CCDC171: variants seen among roughly 807,000 people sequenced by gnomAD.
CCDC171 encodes coiled-coil domain-containing protein 171.
CCDC171 carries 177 observed loss-of-function variants against 168.2 expected under a neutral mutation model. The observed-to-expected ratio is 1.05, with a 90% CI of 0.93 to 1.19. The LOEUF (loss-of-function observed/expected upper bound fraction) is 1.19. Among genes scored for constraint, CCDC171 ranks in the 50% most tolerant of loss-of-function variants. CCDC171 has a pLI of 0.00. For missense variants in CCDC171, 1,991 were observed against 1,539.0 expected, an observed-to-expected ratio of 1.29 and a Z score of -4.91; for synonymous variants, 687 against 540.8, an observed-to-expected ratio of 1.27 and a Z score of -3.75.
chr9:15,682,555 G>A (rs1298321780), intron 10 of CCDC171, among the ~76,000 whole-genome samples: 1 of 151,642 alleles, frequency 6.6e-6, no homozygotes, highest in Admixed American at 6.6e-5. Flanking sequence ...TCAGATGTGG[G>A]TAATTACTAT....
intron 3 of CCDC171, among the ~76,000 whole-genome samples, chr9:16,001,909 C>G (rs959773548): frequency 6.7e-6 from 1 of 148,250 alleles, no homozygotes; most frequent in African/African-American, 2.5e-5. Context: ...GCAATCATGG[C>G]TCACTGCAGC....
At chr9:15,630,611 G>C (rs1426193889) in intron 7 of CCDC171, among the ~76,000 whole-genome samples, 2 of 152,162 alleles carry the variant, frequency 1.3e-5, no homozygotes, top group Non-Finnish European at 2.9e-5. Flanking sequence ...ACATTAGACA[G>C]ATCAACTGGA....
At chr9:15,563,940 G>C in intron 1 of CCDC171, 38 bp from the exon 2 acceptor site, 1 of 619,496 alleles carries the variant, frequency 1.6e-6, no homozygotes, top group Admixed American at 3.3e-5. Flanking sequence ...ATAGTATCAG[G>C]ACTCAAACTG....
chr9:15,603,844 G>T (rs2043038130), intron 6 of CCDC171, among the ~76,000 whole-genome samples: 1 of 152,304 alleles, frequency 6.6e-6, no homozygotes, highest in East Asian at 1.9e-4. Flanking sequence ...TTCCACAATG[G>T]TTGAAGTAAT....
the CCDC171 span, among the ~76,000 whole-genome samples, chr9:16,088,981 C>G: frequency 6.6e-6 from 1 of 152,220 alleles, no homozygotes; most frequent in South Asian, 2.1e-4. Context: ...CTACAGTAAC[C>G]AAAACAGCAT....
chr9:15,840,600 T>A (rs1408535993), intron 21 of CCDC171, among the ~76,000 whole-genome samples: 1 of 152,152 alleles, frequency 6.6e-6, no homozygotes, highest in Non-Finnish European at 1.5e-5. Context: ...AGTTTCTGTC[T>A]CATGAGGTCT....
At chr9:15,717,005 A>C (rs945231495) in intron 11 of CCDC171, among the ~76,000 whole-genome samples, 1 of 152,200 alleles carries the variant, frequency 6.6e-6, no homozygotes, top group African/African-American at 2.4e-5. Context: ...TAGGCAAAAA[A>C]AACCACCTTC....
At chr9:15,979,003 A>T (rs1025767379), downstream of CCDC171, among the ~76,000 whole-genome samples, 35 of 152,098 alleles carry the variant, frequency 2.3e-4, no homozygotes, top group Non-Finnish European at 7.4e-5. Context: ...TGCTATTTTT[A>T]TCTGGCTTCC....
chr9:15,898,901 C>G lies in CCDC171; in HGVS notation c.3601-21369C>G, dbSNP rs374312734. On this transcript the variant is annotated intron_variant, in intron 24 of 25. Coordinates refer to ENST00000380701, the MANE Select transcript of CCDC171 (RefSeq NM_173550.4). ...ATGTGTATATTTGTATAGACACTAC[C>G]ACAATCAAGATACAGAAAGGTACCA... Among the ~76,000 whole-genome samples the G allele has an allele frequency of 2.5e-4, 38 of 152,164 alleles. No individual in the cohort carries two copies. The East Asian group carries it at 3.5e-3, about 14-fold the overall frequency.
chr9:16,080,764 G>A, the CCDC171 span, among the ~76,000 whole-genome samples: 1 of 152,112 alleles, frequency 6.6e-6, no homozygotes, highest in African/African-American at 2.4e-5. Flanking sequence ...GAAATACTGT[G>A]TCCCAAAGAC....
chr9:16,094,564 C>G, the CCDC171 span, among the ~76,000 whole-genome samples: 1 of 152,086 alleles, frequency 6.6e-6, no homozygotes, highest in East Asian at 1.9e-4. Flanking sequence ...CACAAAAGGA[C>G]TGATAGGGCT....
chr9:15,931,933 G>T (rs1428405649), intron 25 of CCDC171, among the ~76,000 whole-genome samples: 1 of 151,746 alleles, frequency 6.6e-6, no homozygotes, highest in Admixed American at 6.6e-5. Context: ...TTATTTCTGG[G>T]TTCTCTGTTC....
At chr9:15,788,210 A>C (rs2058068389) in intron 21 of CCDC171, among the ~76,000 whole-genome samples, 1 of 152,338 alleles carries the variant, frequency 6.6e-6, no homozygotes, top group South Asian at 2.1e-4. Flanking sequence ...CCTGAATTCA[A>C]ATCCCAGCTC....
rs557929791 is a variant in CCDC171, at chr9:15,686,263, G to A, written c.1215+7367G>A. Among the ~76,000 whole-genome samples the A allele has an allele frequency of 3.3e-5, 5 of 152,154 alleles. No homozygotes were observed. The East Asian group carries it at 9.7e-4, about 29-fold the overall frequency. On this transcript the variant is annotated intron_variant, in intron 10 of 25. Transcript: ENST00000380701. ...AATAGAAACAACATAAATTTTGGAG[G>A]CATATTGATCTGGGTTTTAATCCCA...
chr9:15,974,765 G>T (rs1464407796), downstream of CCDC171, among the ~76,000 whole-genome samples: 1 of 152,078 alleles, frequency 6.6e-6, no homozygotes, highest in Non-Finnish European at 1.5e-5. Context: ...CCAAATATCT[G>T]ACTCTTATTA....
intron 10 of CCDC171, among the ~76,000 whole-genome samples, chr9:15,691,929 C>T (rs956865417): frequency 9.2e-5 from 14 of 152,120 alleles, no homozygotes; most frequent in African/African-American, 2.7e-4. Context: ...TTGCCTTGGC[C>T]TCCCAAAGTG....
chr9:15,937,246 A>G (rs1007057552), intron 25 of CCDC171, among the ~76,000 whole-genome samples: 2 of 152,028 alleles, frequency 1.3e-5, no homozygotes, highest in African/African-American at 4.8e-5. Context: ...TGGCTAGTTT[A>G]AAAAATGTTG....
chr9:15,562,077 C>G (rs991905081), intron 1 of CCDC171, among the ~76,000 whole-genome samples: 19 of 152,036 alleles, frequency 1.2e-4, no homozygotes, highest in African/African-American at 4.6e-4. Flanking sequence ...TCACTGCAGT[C>G]TCCACCTCCT....
chr9:16,034,173 G>C (rs944891565), intron 6 of CCDC171, among the ~76,000 whole-genome samples: 1 of 152,188 alleles, frequency 6.6e-6, no homozygotes, highest in Non-Finnish European at 1.5e-5. Context: ...ACAGGTGCTA[G>C]GTTCAGTCAC....
Sources: allele counts gnomAD v4.1 joint callset (sites outside exome capture counted in the v4.1 genomes callset), GRCh38; gene constraint gnomAD v4.1.1; transcripts MANE v1.5; gene names NCBI Gene and HGNC (gene_info 2026-07-23, HGNC 2026-07-21).